FSTL4: variants seen among roughly 807,000 people sequenced by gnomAD.
FSTL4 encodes the protein follistatin like 4.
In FSTL4, 28 loss-of-function variants were observed where a neutral mutation model predicts 78.2. The observed-to-expected ratio is 0.36, with a 90% CI of 0.27 to 0.49. The LOEUF is 0.49. Among genes scored for constraint, FSTL4 ranks in the 20% least tolerant of loss-of-function variants. FSTL4 has a pLI of 0.98. For synonymous variants in FSTL4, 422 were observed against 440.5 expected, an observed-to-expected ratio of 0.96 and a Z score of 0.53; for missense variants, 922 against 1,084.9, an observed-to-expected ratio of 0.85 and a Z score of 2.11.
rs1238368967 is a variant in FSTL4 at position 133,225,728 on chromosome 5, C to G, written c.1107G>C (p.Met369Ile). 1 of 1,612,622 alleles carries G rather than the reference C, an allele frequency of 6.2e-7. No homozygotes were observed. The highest frequency in any genetic ancestry group is 8.5e-7 in the Non-Finnish European group (1 of 1,179,326). The change falls in exon 9 of 16, where the codon ATG (methionine) becomes ATC (isoleucine). Residue 369 changes from methionine to isoleucine, a missense_variant. Transcript: ENST00000265342. This position sits in a 1 kb window ranked among gnomAD's most constrained non-coding sequence, Gnocchi z 4.6. ...CGTTTTTCAGCCAAGTGATTCTGGG[C>G]ATGGGAATGCCCTCAGCATGGCATC... ...SLRCHAEGIP[M>I]PRITWLKNGV...
intron 11 of FSTL4, among the ~76,000 whole-genome samples, chr5:133,221,912 T>TTTTTGTTTTG (rs1751137300): frequency 8.8e-6 from 1 of 113,968 alleles, no homozygotes; most frequent in Non-Finnish European, 1.7e-5. Flanking sequence ...TTTTTTTTTT[T>TTTTTGTTTTG]TTTTTTTTTT....
At position 133,236,536 on chromosome 5, in the gene FSTL4, C is replaced by T. The variant is rs1195720286; in HGVS notation, c.895-2999G>A. Among the ~76,000 whole-genome samples, 1 of 152,210 alleles carries T rather than the reference C, an allele frequency of 6.6e-6. No homozygotes were observed. Among genetic ancestry groups the T allele is most frequent in the East Asian group, 1.9e-4 (1 of 5,188 alleles). ...TTCAGAGTGGGGTCTTCTCTCACCACCTCCATCGCTCCTGCTCTGGCCAGC... is the reference window on the plus strand; with the variant it reads ...TTCAGAGTGGGGTCTTCTCTCACCATCTCCATCGCTCCTGCTCTGGCCAGC... On this transcript the variant is annotated intron_variant, in intron 7 of 15. Coordinates refer to ENST00000265342, the MANE Select transcript of FSTL4 (RefSeq NM_015082.2). The surrounding 1 kb of genome is among the most constrained non-coding windows in gnomAD (Gnocchi z 5.0).
chr5:133,697,216 C>A, the FSTL4 span, among the ~76,000 whole-genome samples: 1 of 152,174 alleles, frequency 6.6e-6, no homozygotes, highest in Non-Finnish European at 1.5e-5. Flanking sequence ...GGCTGGGAGG[C>A]ACCACATGAG....
the FSTL4 span, among the ~76,000 whole-genome samples, chr5:133,837,834 G>A: frequency 6.6e-6 from 1 of 152,046 alleles, no homozygotes; most frequent in Non-Finnish European, 1.5e-5. Flanking sequence ...TGGGGTAAAA[G>A]TAGCACCAAG....
At chr5:133,610,720 G>A (rs1208197223) in intron 1 of FSTL4, among the ~76,000 whole-genome samples, 1 of 152,234 alleles carries the variant, frequency 6.6e-6, no homozygotes, top group African/African-American at 2.4e-5. Flanking sequence ...GGCCAGAGGG[G>A]CAGGCACAGA....
intron 3 of FSTL4, among the ~76,000 whole-genome samples, chr5:133,417,402 C>T (rs1406265521): frequency 6.6e-6 from 1 of 151,322 alleles, no homozygotes; most frequent in African/African-American, 2.4e-5. Flanking sequence ...AAGAATAGGA[C>T]CAACATACAT....
the FSTL4 span, among the ~76,000 whole-genome samples, chr5:133,626,492 C>T: frequency 4.0e-5 from 6 of 149,816 alleles, no homozygotes; most frequent in Admixed American, 1.4e-4. Flanking sequence ...TGCGAACCAC[C>T]GCACTTGGCC....
In FSTL4 at chr5:133,321,006, C is replaced by CAA. The variant is rs3976680; in HGVS notation, c.410-4356_410-4355dup. On this transcript the variant is annotated intron_variant, in intron 4 of 15. Transcript: ENST00000265342. ...TGGGTGACAGAGCGAGACTCCGTCT[C>CAA]AAAAAAAAAAAAAAAAAAAAATTCC... is the stretch of plus-strand genomic sequence containing the variant. Among the ~76,000 whole-genome samples the CAA allele has an allele frequency of 4.9e-3, 445 of 90,428 alleles. 12 individuals carry two copies. The highest frequency in any genetic ancestry group is 0.015 in the South Asian group (36 of 2,390). The allele number at this position is 90,428 out of a possible 152,430, so 59.3% of individuals were successfully genotyped here.
chr5:133,606,171 A>G (rs1760973200), intron 1 of FSTL4, among the ~76,000 whole-genome samples: 1 of 152,206 alleles, frequency 6.6e-6, no homozygotes, highest in African/African-American at 2.4e-5. Context: ...CCTGCGCTGG[A>G]GTTCAATGGT....
At chr5:133,831,614 C>A in the FSTL4 span, among the ~76,000 whole-genome samples, 1 of 152,152 alleles carries the variant, frequency 6.6e-6, no homozygotes, top group Non-Finnish European at 1.5e-5. Context: ...TATTTCATGG[C>A]AGGGAACAAG....
At chr5:133,679,226 C>T in the FSTL4 span, among the ~76,000 whole-genome samples, 1 of 152,174 alleles carries the variant, frequency 6.6e-6, no homozygotes, top group Non-Finnish European at 1.5e-5. Flanking sequence ...CAAGCACCCT[C>T]TGCCTAGCAT....
intron 4 of FSTL4, among the ~76,000 whole-genome samples, chr5:133,397,775 T>C (rs28716841): frequency 0.06 from 9,083 of 152,316 alleles, 278 homozygotes; most frequent in South Asian, 0.074. Flanking sequence ...CTAATATTGA[T>C]TTCTGGGGAC....
chr5:133,742,506 G>C, the FSTL4 span, among the ~76,000 whole-genome samples: 1 of 152,320 alleles, frequency 6.6e-6, no homozygotes, highest in East Asian at 1.9e-4. Context: ...TGAAAGCTCA[G>C]ATGTAACTGT....
intron 3 of FSTL4, among the ~76,000 whole-genome samples, chr5:133,477,008 C>T (rs1757938431): frequency 1.3e-5 from 2 of 152,228 alleles, no homozygotes; most frequent in African/African-American, 4.8e-5. Flanking sequence ...AGTACGTCCT[C>T]AGTAAATCAT....
At chr5:133,597,977 C>T (rs79533030) in intron 2 of FSTL4, among the ~76,000 whole-genome samples, 14,238 of 152,066 alleles carry the variant, frequency 0.094, 802 homozygotes, top group African/African-American at 0.16. Flanking sequence ...GGAGGAGCCA[C>T]GGGTTCCAAG....
chr5:133,596,079 A>C (rs1029850092), intron 2 of FSTL4, among the ~76,000 whole-genome samples: 4 of 152,212 alleles, frequency 2.6e-5, no homozygotes, highest in Admixed American at 1.3e-4. Context: ...ACAGGGTTCT[A>C]TGGTGGGGGA....
At chr5:133,712,136 A>G in the FSTL4 span, among the ~76,000 whole-genome samples, 4 of 152,220 alleles carry the variant, frequency 2.6e-5, no homozygotes, top group African/African-American at 7.2e-5. Context: ...GTTAAAGTCC[A>G]CTGAGGCCAA....
At chr5:133,549,123 C>G (rs1378789774) in intron 3 of FSTL4, among the ~76,000 whole-genome samples, 1 of 152,170 alleles carries the variant, frequency 6.6e-6, no homozygotes, top group Admixed American at 6.5e-5. Context: ...CTTCCTGTAT[C>G]TGAGGATAGC....
the FSTL4 span, among the ~76,000 whole-genome samples, chr5:133,670,367 A>C: frequency 2.0e-5 from 3 of 152,224 alleles, no homozygotes; most frequent in African/African-American, 7.2e-5. Flanking sequence ...TACATCAACC[A>C]TGTCTTCAGA....
Sources: gnomAD v4.1 joint callset for allele counts (sites outside exome capture counted in the v4.1 genomes callset) on GRCh38, gnomAD v4.1.1 for gene constraint, Gnocchi (gnomAD v3.1) non-coding constraint, MANE v1.5 for transcripts, NCBI Gene and HGNC (gene_info 2026-07-23, HGNC 2026-07-21) for gene names.